NELL2: variants seen among roughly 807,000 people sequenced by gnomAD.
NELL2 encodes neural EGFL like 2, also known as protein kinase C-binding protein NELL2.
A neutral mutation model predicts 109.6 loss-of-function variants in NELL2; 41 were observed. The ratio of observed to expected loss-of-function variants is 0.37; its 90% CI spans 0.29 to 0.49. NELL2 has a LOEUF of 0.49. NELL2 is among the 20% of genes least tolerant of loss of function. NELL2 has a pLI of 0.98. For missense variants in NELL2, 900 were observed against 1,008.3 expected, an observed-to-expected ratio of 0.89 and a Z score of 1.45; for synonymous variants, 355 against 344.7, an observed-to-expected ratio of 1.03 and a Z score of -0.33.
chr12:44,895,407 T>C (rs1945581467), intron 1 of NELL2, among the ~76,000 whole-genome samples: 1 of 152,228 alleles, frequency 6.6e-6, no homozygotes. Flanking sequence ...AAATTCATTT[T>C]TCATTTTCTG....
At chr12:44,700,570 TC>T (rs2136414573) in intron 12 of NELL2, among the ~76,000 whole-genome samples, 1 of 152,202 alleles carries the variant, frequency 6.6e-6, no homozygotes, top group South Asian at 2.1e-4. Context: ...TGTAAGAAAT[TC>T]TCTTCTTTTC....
chr12:44,712,899 C>T (rs773980634), intron 10 of NELL2, among the ~76,000 whole-genome samples: 52 of 151,650 alleles, frequency 3.4e-4, no homozygotes, highest in Admixed American at 2.0e-4. Context: ...ATAAAAATTA[C>T]GTTTGTGGCT....
chr12:44,562,335 G>T (rs57686015), intron 15 of NELL2, among the ~76,000 whole-genome samples: 1,841 of 152,274 alleles, frequency 0.012, 34 homozygotes, highest in African/African-American at 0.042. Flanking sequence ...TTAAACTAAA[G>T]AGCTTCTGCA....
intron 16 of NELL2, among the ~76,000 whole-genome samples, chr12:44,527,911 G>C (rs972503957): frequency 6.6e-6 from 1 of 151,712 alleles, no homozygotes; most frequent in Non-Finnish European, 1.5e-5. Context: ...TGGCTAACAC[G>C]GTGAAACCCC....
At chr12:44,797,891 AACC>A (rs1243299791) in intron 3 of NELL2, among the ~76,000 whole-genome samples, 5 of 92,814 alleles carry the variant, frequency 5.4e-5, no homozygotes, top group Admixed American at 1.1e-4. Context: ...GATGGAATAA[AACC>A]ATTCCATCCT....
At chr12:44,767,889 T>TTTA (rs543662778) in intron 9 of NELL2, among the ~76,000 whole-genome samples, 177 of 152,332 alleles carry the variant, frequency 1.2e-3, no homozygotes, top group African/African-American at 4.2e-3. Context: ...TATGTTTCAT[T>TTTA]TTATATCTGT....
At chr12:44,717,517 T>C (rs1938551907) in intron 9 of NELL2, among the ~76,000 whole-genome samples, 1 of 152,162 alleles carries the variant, frequency 6.6e-6, no homozygotes, top group South Asian at 2.1e-4. Context: ...CCATAAGTTA[T>C]ATGGAAACTC....
intron 9 of NELL2, among the ~76,000 whole-genome samples, chr12:44,773,026 T>C (rs747859173): frequency 2.0e-4 from 30 of 152,234 alleles, no homozygotes; most frequent in Non-Finnish European, 2.1e-4. Context: ...CACAGGCAAA[T>C]GGTAAGATGA....
At chr12:44,685,038 A>G (rs1948667164) in intron 12 of NELL2, among the ~76,000 whole-genome samples, 1 of 151,826 alleles carries the variant, frequency 6.6e-6, no homozygotes, top group Non-Finnish European at 1.5e-5. Flanking sequence ...TCCCATTATT[A>G]TTGTGTGGGA....
intron 3 of NELL2, among the ~76,000 whole-genome samples, chr12:44,786,190 A>C (rs568447113): frequency 8.1e-4 from 124 of 152,268 alleles, no homozygotes; most frequent in African/African-American, 2.9e-3. Flanking sequence ...AAGAAAAAAA[A>C]CAAACAGCCC....
At chr12:44,919,049 C>T (rs1011430), upstream of NELL2, among the ~76,000 whole-genome samples, 81 of 152,192 alleles carry the variant, frequency 5.3e-4, no homozygotes, top group Admixed American at 2.9e-3. Context: ...AATGACTTAA[C>T]CTGACCTTCA....
chr12:44,726,727 CAG>C (rs1555205998), intron 9 of NELL2, among the ~76,000 whole-genome samples: 2 of 152,034 alleles, frequency 1.3e-5, no homozygotes, highest in Non-Finnish European at 2.9e-5. Flanking sequence ...ATGAGAAAAA[CAG>C]TACTTTTTTA....
intron 16 of NELL2, among the ~76,000 whole-genome samples, chr12:44,525,124 T>C (rs1215240795): frequency 6.6e-6 from 1 of 152,218 alleles, no homozygotes; most frequent in African/African-American, 2.4e-5. Context: ...TTTTATGGTC[T>C]ACTATAAGGA....
chr12:44,593,761 T>C (rs1424943068), intron 15 of NELL2, among the ~76,000 whole-genome samples: 1 of 152,208 alleles, frequency 6.6e-6, no homozygotes, highest in African/African-American at 2.4e-5. Context: ...CCTGCATCTG[T>C]TGTTTCCCAT....
At chr12:44,712,399 T>C (rs1051486167) in intron 10 of NELL2, among the ~76,000 whole-genome samples, 2 of 152,070 alleles carry the variant, frequency 1.3e-5, no homozygotes, top group African/African-American at 4.8e-5. Context: ...ACGCTAGTCT[T>C]CTTTTGGTTT....
chr12:44,783,242 G>T (rs1361455928), intron 3 of NELL2, among the ~76,000 whole-genome samples: 2 of 151,368 alleles, frequency 1.3e-5, no homozygotes, highest in South Asian at 4.2e-4. Context: ...AGCAATACTT[G>T]AGAGAGAAAT....
chr12:44,813,929 T>C (rs890672540), intron 3 of NELL2, among the ~76,000 whole-genome samples: 3 of 152,212 alleles, frequency 2.0e-5, no homozygotes, highest in Non-Finnish European at 4.4e-5. Flanking sequence ...GGTATTTCAG[T>C]TGCCCATATC....
At chr12:44,519,906 A>G (rs1941451017) in intron 19 of NELL2, 99 bp downstream of exon 19, 3 of 1,101,474 alleles carry the variant, frequency 2.7e-6, no homozygotes, top group African/African-American at 3.2e-5. Flanking sequence ...CAGGAAAAAA[A>G]AAAAAAACCT....
intron 5 of NELL2, among the ~76,000 whole-genome samples, chr12:44,777,898 G>A (rs968885873): frequency 6.6e-6 from 1 of 152,130 alleles, no homozygotes; most frequent in African/African-American, 2.4e-5. Flanking sequence ...TTTTTTAAAT[G>A]TCAGCTGGAA....
Sources: allele counts gnomAD v4.1 joint callset (sites outside exome capture counted in the v4.1 genomes callset), GRCh38; gene constraint gnomAD v4.1.1; transcripts MANE v1.5; gene names NCBI Gene and HGNC (gene_info 2026-07-23, HGNC 2026-07-21).